The following GABRB1 variants were observed in gnomAD, a reference collection of about 807,000 sequenced individuals.
GABRB1 encodes the protein gamma-aminobutyric acid receptor subunit beta-1.
A neutral mutation model predicts 51.6 loss-of-function variants in GABRB1; 17 were observed. The observed-to-expected ratio is 0.33, with a 90% CI of 0.23 to 0.49. The LOEUF is 0.49. Among genes scored for constraint, GABRB1 ranks in the 20% least tolerant of loss-of-function variants. The pLI is 0.99. For synonymous variants in GABRB1, 247 were observed against 218.9 expected (o/e 1.13, Z -1.14); for missense variants, 410 against 600.6 (o/e 0.68, Z 3.32).
Position 46,993,860 on chromosome 4 carries a change from C to A in GABRB1, c.-86C>A, listed in dbSNP as rs1057038845. On this transcript the variant is annotated 5_prime_UTR_variant, in exon 1 of 4. Transcript: ENST00000513567. ...CCCCGCCCACAGCAGTGTTCGTCCT[C>A]CTACCTCCTGGCCCCCTCCCTTCCG... 3.2e-5 allele frequency: 6 copies of A among 185,202 alleles called. No individual in the cohort carries two copies. In the South Asian group the frequency reaches 6.0e-4, roughly 19 times the overall value. 11.5% of individuals were successfully genotyped at this position (185,202 alleles called of 1,614,324 possible).
chr4:47,351,864 A>C (rs1026182068), intron 5 of GABRB1, among the ~76,000 whole-genome samples: 3 of 152,052 alleles, frequency 2.0e-5, no homozygotes, highest in African/African-American at 7.2e-5. Flanking sequence ...GTGCCGCAAT[A>C]AACATACGTG....
chr4:47,225,018 C>T (rs1274691861), intron 4 of GABRB1, among the ~76,000 whole-genome samples: 1 of 152,120 alleles, frequency 6.6e-6, no homozygotes, highest in African/African-American at 2.4e-5. Flanking sequence ...CCTCAGCCTC[C>T]CGAGTAGCTG....
chr4:47,178,917 G>T (rs1718817722), intron 4 of GABRB1, among the ~76,000 whole-genome samples: 2 of 151,746 alleles, frequency 1.3e-5, no homozygotes, highest in South Asian at 4.2e-4. Flanking sequence ...CATCCTTATT[G>T]GCAAGAAATG....
At chr4:47,397,859 CA>C (rs1203110433) in intron 5 of GABRB1, among the ~76,000 whole-genome samples, 1 of 152,158 alleles carries the variant, frequency 6.6e-6, no homozygotes, top group Non-Finnish European at 1.5e-5. Flanking sequence ...AGGTGTGAGC[CA>C]CCACACCCAG....
chr4:47,408,707 C>T (rs1253061184), intron 8 of GABRB1, among the ~76,000 whole-genome samples: 1 of 152,214 alleles, frequency 6.6e-6, no homozygotes, highest in Admixed American at 6.5e-5. Flanking sequence ...GAAGCAACTT[C>T]CCAATGTCTG....
At chr4:47,376,549 A>G (rs1288786452) in intron 5 of GABRB1, among the ~76,000 whole-genome samples, 2 of 152,226 alleles carry the variant, frequency 1.3e-5, no homozygotes, top group Non-Finnish European at 2.9e-5. Flanking sequence ...TGGGGGGCTG[A>G]GGCAGGAGAA....
chr4:47,166,097 T>C (rs1199180554), intron 4 of GABRB1, among the ~76,000 whole-genome samples: 1 of 152,100 alleles, frequency 6.6e-6, no homozygotes, highest in Non-Finnish European at 1.5e-5. Flanking sequence ...AAAAAAATGG[T>C]TCCTCTTTCA....
intron 4 of GABRB1, among the ~76,000 whole-genome samples, chr4:47,260,800 A>G (rs567023561): frequency 1.2e-4 from 19 of 152,266 alleles, no homozygotes; most frequent in South Asian, 2.1e-4. Context: ...AAAATCCTCA[A>G]TGAAATACTG....
At chr4:47,398,891 C>T (rs978952298) in intron 5 of GABRB1, among the ~76,000 whole-genome samples, 1 of 152,160 alleles carries the variant, frequency 6.6e-6, no homozygotes, top group Non-Finnish European at 1.5e-5. Flanking sequence ...CCCGGGTTCA[C>T]GCCATTCTCC....
At chr4:47,065,969 A>G (rs919437681) in intron 3 of GABRB1, among the ~76,000 whole-genome samples, 2 of 152,226 alleles carry the variant, frequency 1.3e-5, no homozygotes, top group Non-Finnish European at 2.9e-5. Context: ...AATTATGGTA[A>G]GCCACTGAGA....
rs961622323 is a variant in GABRB1 at position 47,130,345 on chromosome 4, G to C, written c.241-30904G>C. 2.2e-3 allele frequency among the ~76,000 whole-genome samples: 322 copies of C among 143,292 alleles called. 2 individuals are homozygous for C. The highest frequency in any genetic ancestry group is 7.0e-3 in the African/African-American group (284 of 40,378). 94.0% of individuals were successfully genotyped at this position (143,292 alleles called of 152,430 possible). ...AGATACTGTGTGTGTGTGTGTGTGTGTGTGTGTGTGTGTGTGTGTGTGTGT... is the reference window on the plus strand; with the variant it reads ...AGATACTGTGTGTGTGTGTGTGTGTCTGTGTGTGTGTGTGTGTGTGTGTGT... On this transcript the variant is annotated intron_variant, in intron 3 of 8. Transcript: ENST00000295454.
chr4:47,218,184 C>A (rs1465900278), intron 4 of GABRB1, among the ~76,000 whole-genome samples: 2 of 151,716 alleles, frequency 1.3e-5, no homozygotes, highest in Non-Finnish European at 3.0e-5. Context: ...TTTTTATAAC[C>A]AAATAGTACT....
chr4:47,195,391 A>AGAT (rs199927423), intron 4 of GABRB1, among the ~76,000 whole-genome samples: 42 of 89,856 alleles, frequency 4.7e-4, no homozygotes, highest in South Asian at 1.3e-3. Flanking sequence ...ATAGATAGAT[A>AGAT]GATGATAGAT....
chr4:47,158,566 T>A (rs1717797075), intron 3 of GABRB1, among the ~76,000 whole-genome samples: 1 of 152,148 alleles, frequency 6.6e-6, no homozygotes, highest in South Asian at 2.1e-4. Context: ...AGAATCTGTA[T>A]GCTAATGAGG....
intron 5 of GABRB1, among the ~76,000 whole-genome samples, chr4:47,336,106 C>T (rs1158144347): frequency 6.6e-6 from 1 of 152,118 alleles, no homozygotes; most frequent in South Asian, 2.1e-4. Context: ...GCAAGTAGAG[C>T]CCAGATCAGT....
chr4:47,149,251 C>T (rs935869832), intron 3 of GABRB1, among the ~76,000 whole-genome samples: 1 of 151,972 alleles, frequency 6.6e-6, no homozygotes, highest in South Asian at 2.1e-4. Flanking sequence ...CAAAATTGAT[C>T]ATTTACTCAA....
intron 4 of GABRB1, among the ~76,000 whole-genome samples, chr4:47,208,781 A>G (rs1177718667): frequency 6.6e-6 from 1 of 151,980 alleles, no homozygotes; most frequent in Admixed American, 6.6e-5. Flanking sequence ...GCTGGGCATG[A>G]TTTATATTCT....
chr4:47,004,568 C>A (rs1288034277), intron 1 of GABRB1, among the ~76,000 whole-genome samples: 1 of 152,052 alleles, frequency 6.6e-6, no homozygotes, highest in Non-Finnish European at 1.5e-5. Context: ...TTTCCAATGT[C>A]TTTGACTATT....
intron 3 of GABRB1, among the ~76,000 whole-genome samples, chr4:47,061,572 T>C (rs568453702): frequency 7.9e-4 from 120 of 152,326 alleles, no homozygotes; most frequent in African/African-American, 2.7e-3. Flanking sequence ...TAGCAGATTC[T>C]CTGTGGTTAA....
Sources: gnomAD v4.1 joint callset for allele counts (sites outside exome capture counted in the v4.1 genomes callset) on GRCh38, gnomAD v4.1.1 for gene constraint, MANE v1.5 for transcripts, NCBI Gene and HGNC (gene_info 2026-07-23, HGNC 2026-07-21) for gene names.